MYT1L: variants seen among roughly 807,000 people sequenced by gnomAD.
The protein encoded by MYT1L is myelin transcription factor 1-like protein.
In MYT1L, 12 loss-of-function variants were observed where a neutral mutation model predicts 126.7. The observed-to-expected ratio is 0.09, with a 90% CI of 0.06 to 0.15. The LOEUF (loss-of-function observed/expected upper bound fraction) is 0.15, where lower values mean the gene tolerates loss of function less well. Among genes scored for constraint, MYT1L ranks in the 10% least tolerant of loss-of-function variants. The pLI is 1.00. For synonymous variants in MYT1L, 541 were observed against 604.2 expected, an observed-to-expected ratio of 0.90 and a Z score of 1.53; for missense variants, 979 against 1,585.2, an observed-to-expected ratio of 0.62 and a Z score of 6.49.
intron 1 of MYT1L, among the ~76,000 whole-genome samples, chr2:2,289,895 C>T (rs757818350): frequency 3.2e-4 from 48 of 152,354 alleles, no homozygotes; most frequent in South Asian, 1.5e-3. Context: ...TTCACTTCAG[C>T]ACTGGCAGCA....
intron 23 of MYT1L, among the ~76,000 whole-genome samples, chr2:1,795,121 C>T (rs1006853048): frequency 6.6e-6 from 1 of 152,224 alleles, no homozygotes; most frequent in African/African-American, 2.4e-5. Flanking sequence ...AGCCTTCCTC[C>T]AGGGTGGCAA....
chr2:2,022,760 C>T (rs913981618), intron 4 of MYT1L, among the ~76,000 whole-genome samples: 1 of 152,010 alleles, frequency 6.6e-6, no homozygotes, highest in Non-Finnish European at 1.5e-5. Flanking sequence ...GTTCTTTGTC[C>T]GTATTTATCT....
chr2:1,908,933 T>C (rs1418238036), intron 13 of MYT1L, among the ~76,000 whole-genome samples: 1 of 152,220 alleles, frequency 6.6e-6, no homozygotes, highest in Non-Finnish European at 1.5e-5. Flanking sequence ...TGTTTTCTTA[T>C]TTTTGCTTAA....
chr2:2,217,706 C>CAAA lies in MYT1L; in HGVS notation c.-420-44721_-420-44719dup, dbSNP rs35934436. On this transcript the variant is annotated intron_variant, in intron 2 of 24. Transcript: ENST00000647738. ...ACAACAACAACAACAACAACAACAA[C>CAAA]AAAAAAAAAAAAAGAAAGAAGGAAA... Among the ~76,000 whole-genome samples, 480 of 91,088 alleles carry CAAA rather than the reference C, an allele frequency of 5.3e-3. 20 individuals are homozygous for CAAA. Among genetic ancestry groups the CAAA allele is most frequent in the Admixed American group, 0.011 (102 of 9,180 alleles). The allele number at this position is 91,088 out of a possible 152,430, so 59.8% of individuals were successfully genotyped here.
At chr2:1,973,255 T>C (rs1054533287) in intron 8 of MYT1L, among the ~76,000 whole-genome samples, 1 of 152,254 alleles carries the variant, frequency 6.6e-6, no homozygotes, top group Non-Finnish European at 1.5e-5. Flanking sequence ...AGGTTAAAAT[T>C]CAAATTTCTG....
chr2:2,311,265 T>C (rs563948400), intron 1 of MYT1L, among the ~76,000 whole-genome samples: 1 of 152,354 alleles, frequency 6.6e-6, no homozygotes, highest in South Asian at 2.1e-4. Context: ...ACGAACCATG[T>C]TGTATCTTCC....
intron 21 of MYT1L, among the ~76,000 whole-genome samples, chr2:1,826,665 G>A (rs1044054283): frequency 1.2e-4 from 18 of 152,312 alleles, no homozygotes; most frequent in African/African-American, 4.3e-4. Flanking sequence ...GCAGCACCGG[G>A]TACCGGGTCA....
rs893536171 is a variant in MYT1L, at chr2:2,235,333, G to T, written c.-421+49071C>A. ...GAGGTGTGTGTGTAGCTGGTTAGCT[G>T]GTTAGCGTGTTCCTCAGAGCTTCCC... On this transcript the variant is annotated intron_variant, in intron 2 of 24. Coordinates refer to ENST00000647738, the MANE Select transcript of MYT1L (RefSeq NM_001303052.2). Among the ~76,000 whole-genome samples the T allele has an allele frequency of 2.4e-4, 36 of 148,504 alleles. 2 individuals carry two copies. Among genetic ancestry groups the T allele is most frequent in the African/African-American group, 9.1e-4 (36 of 39,746 alleles).
chr2:2,079,856 A>T (rs1311701914), intron 3 of MYT1L, among the ~76,000 whole-genome samples: 2 of 152,156 alleles, frequency 1.3e-5, no homozygotes, highest in Non-Finnish European at 2.9e-5. Context: ...AATAAAAAAA[A>T]TAGGTTTAGG....
chr2:1,795,098 G>A (rs975170850), intron 23 of MYT1L, among the ~76,000 whole-genome samples: 3 of 152,350 alleles, frequency 2.0e-5, no homozygotes, highest in African/African-American at 7.2e-5. Flanking sequence ...GTGGACACAC[G>A]TTTGCTTCCC....
At chr2:1,820,030 G>T (rs1293433126) in intron 21 of MYT1L, among the ~76,000 whole-genome samples, 2 of 126,386 alleles carry the variant, frequency 1.6e-5, no homozygotes, top group African/African-American at 3.0e-5. Flanking sequence ...GCAGAGGGCA[G>T]TGGGGGGGGG....
chr2:2,180,824 C>G (rs1300741123), intron 2 of MYT1L, among the ~76,000 whole-genome samples: 3 of 147,672 alleles, frequency 2.0e-5, no homozygotes, highest in Middle Eastern at 4.1e-3. Context: ...CTGTGTGTAC[C>G]TGTGTGTGCA....
intron 19 of MYT1L, among the ~76,000 whole-genome samples, chr2:1,846,638 G>A (rs1468590412): frequency 4.6e-5 from 7 of 152,122 alleles, no homozygotes; most frequent in African/African-American, 4.8e-5. Flanking sequence ...AGTGTACCTC[G>A]TGGCCCCCAG....
intron 23 of MYT1L, among the ~76,000 whole-genome samples, chr2:1,797,362 T>C (rs978921824): frequency 2.0e-5 from 3 of 152,220 alleles, no homozygotes; most frequent in East Asian, 1.9e-4. Flanking sequence ...TACCTGGGAC[T>C]ACAGGCGCCC....
intron 4 of MYT1L, among the ~76,000 whole-genome samples, chr2:1,999,369 G>A (rs1049878501): frequency 4.6e-5 from 7 of 152,092 alleles, no homozygotes; most frequent in East Asian, 1.9e-4. Flanking sequence ...TGCTAGACAC[G>A]GGTAATGCAG....
chr2:2,097,612 G>C (rs545143619), intron 3 of MYT1L, among the ~76,000 whole-genome samples: 2 of 152,142 alleles, frequency 1.3e-5, no homozygotes, highest in Non-Finnish European at 2.9e-5. Context: ...CCAAATAAGC[G>C]ATGGAGATGC....
At chr2:1,891,867 G>C (rs2048923618) in intron 15 of MYT1L, among the ~76,000 whole-genome samples, 170 bp downstream of exon 15, 1 of 152,204 alleles carries the variant, frequency 6.6e-6, no homozygotes, top group African/African-American at 2.4e-5. Context: ...GTGTGTTCAG[G>C]CTGCGTTAAG....
rs1559367363 is a variant in MYT1L at position 2,217,712 on chromosome 2, A to AC, written c.-420-44725_-420-44724insG. ...ACAACAACAACAACAACAACAAAAAAAAAAAAAGAAAGAAGGAAAAAGAAA... is the reference window on the plus strand; with the variant it reads ...ACAACAACAACAACAACAACAAAAAACAAAAAAAGAAAGAAGGAAAAAGAAA... On this transcript the variant is annotated intron_variant, in intron 2 of 24. Transcript: ENST00000647738. Among the ~76,000 whole-genome samples, 12 of 140,568 alleles carry AC rather than the reference A, an allele frequency of 8.5e-5. 1 individual carries two copies. Among genetic ancestry groups the AC allele is most frequent in the Admixed American group, 5.6e-4 (8 of 14,270 alleles). 92.2% of individuals were successfully genotyped at this position (140,568 alleles called of 152,430 possible).
At chr2:2,194,279 T>C (rs1317840851) in intron 2 of MYT1L, among the ~76,000 whole-genome samples, 1 of 152,006 alleles carries the variant, frequency 6.6e-6, no homozygotes, top group African/African-American at 2.4e-5. Context: ...GAGGTCTTGC[T>C]ATGTTGCCCA....
Sources: gnomAD v4.1 joint callset for allele counts (sites outside exome capture counted in the v4.1 genomes callset) on GRCh38, gnomAD v4.1.1 for gene constraint, MANE v1.5 for transcripts, NCBI Gene and HGNC (gene_info 2026-07-23, HGNC 2026-07-21) for gene names.